The following MGAT4C variants were observed in gnomAD, a reference collection of about 807,000 sequenced individuals.
The protein encoded by MGAT4C is MGAT4 family member C, also known as alpha-1,3-mannosyl-glycoprotein 4-beta-N-acetylglucosaminyltransferase C.
A neutral mutation model predicts 40.1 loss-of-function variants in MGAT4C; 19 were observed. The observed-to-expected ratio is 0.47, with a 90% CI of 0.33 to 0.70. The LOEUF is 0.70. Ranked by LOEUF, MGAT4C falls within the 30% of genes least tolerant of loss-of-function variation. MGAT4C has a pLI of 0.02. For synonymous variants in MGAT4C, 181 were observed against 187.1 expected, an observed-to-expected ratio of 0.97 and a Z score of 0.27; for missense variants, 491 against 563.2, an observed-to-expected ratio of 0.87 and a Z score of 1.30.
Position 85,979,745 on chromosome 12 carries a change from A to G in MGAT4C, c.981T>C (p.Asp327=). Residue 327 remains aspartate (D), a synonymous_variant, in exon 5 of 5, where the codon GAT becomes GAC. Coordinates refer to ENST00000611864, the MANE Select transcript of MGAT4C (RefSeq NM_001351288.2). The part of the protein sequence containing the change: ...SYKGTENKLK[D]DDFEEESFDI... The stretch of plus-strand genomic sequence containing the variant: ...CAAATGACTCCTCTTCAAAATCATC[A>G]TCCTTCAGCTTATTCTCCGTCCCTT... 6.2e-7 allele frequency: 1 copy of G among 1,613,484 alleles called. No homozygotes were observed. The highest frequency in any genetic ancestry group is 8.5e-7 in the Non-Finnish European group (1 of 1,179,770).
intron 1 of MGAT4C, among the ~76,000 whole-genome samples, chr12:86,223,325 C>T (rs1371401980): frequency 6.6e-6 from 1 of 152,198 alleles, no homozygotes; most frequent in Non-Finnish European, 1.5e-5. Flanking sequence ...CCATTCTGAG[C>T]CCAGTTTCCA....
chr12:86,457,184 C>A (rs1957523561), intron 2 of MGAT4C, among the ~76,000 whole-genome samples: 1 of 151,962 alleles, frequency 6.6e-6, no homozygotes, highest in African/African-American at 2.4e-5. Flanking sequence ...AATATATCAT[C>A]CTTTTTATTA....
At chr12:86,046,259 A>G (rs1039981746) in intron 2 of MGAT4C, among the ~76,000 whole-genome samples, 7 of 152,152 alleles carry the variant, frequency 4.6e-5, no homozygotes, top group Non-Finnish European at 2.9e-5. Context: ...TTCCCCACTC[A>G]TGAGTTCAAG....
At chr12:86,200,123 A>ATTTT (rs1382781953) in intron 1 of MGAT4C, among the ~76,000 whole-genome samples, 1 of 31,698 alleles carries the variant, frequency 3.2e-5, no homozygotes, top group Non-Finnish European at 5.9e-5. Flanking sequence ...AATAGTATGT[A>ATTTT]TTTGTTTTTT....
At chr12:86,410,958 C>G (rs1190616588) in intron 3 of MGAT4C, among the ~76,000 whole-genome samples, 2 of 152,182 alleles carry the variant, frequency 1.3e-5, no homozygotes, top group Non-Finnish European at 2.9e-5. Flanking sequence ...CTCCTCTGCT[C>G]TGGCCATGTA....
At chr12:86,655,463 C>T (rs527388528) in intron 2 of MGAT4C, among the ~76,000 whole-genome samples, 21 of 152,118 alleles carry the variant, frequency 1.4e-4, no homozygotes, top group African/African-American at 4.3e-4. Flanking sequence ...TGTATTTCAC[C>T]AGCACTCAGT....
chr12:86,005,209 T>C (rs1887752891), intron 2 of MGAT4C, among the ~76,000 whole-genome samples: 1 of 152,196 alleles, frequency 6.6e-6, no homozygotes. Context: ...AGAGAAGCCA[T>C]TGCTTACTCA....
Position 85,963,463 on chromosome 12 carries a change from G to C in MGAT4C, c.*15826C>G, listed in dbSNP as rs1308819549. 1.3e-5 allele frequency: 2 copies of C among 151,826 alleles called. No individual in the cohort carries two copies. Among genetic ancestry groups the C allele is most frequent in the Admixed American group, 6.6e-5 (1 of 15,222 alleles). 9.4% of individuals were successfully genotyped at this position (151,826 alleles called of 1,614,324 possible). ...ACACACATACACACAGACACACACA[G>C]AGTTTGCTTATAAGCTCAGGAAGCT... is the stretch of plus-strand genomic sequence containing the variant. On this transcript the variant is annotated 3_prime_UTR_variant, in exon 5 of 5. Transcript: ENST00000611864.
rs768173767 is a variant in MGAT4C at position 85,979,758 on chromosome 12, T to C, written c.968A>G (p.Asn323Ser). Reference sequence around the variant, plus strand: ...TTCAAAATCATCATCCTTCAGCTTATTCTCCGTCCCTTTGTATGATGAATA... The same window carrying C: ...TTCAAAATCATCATCCTTCAGCTTACTCTCCGTCCCTTTGTATGATGAATA... ...GYYSSYKGTE[N>S]KLKDDDFEEE... The change falls in exon 5 of 5, where the codon AAT (asparagine) becomes AGT (serine). Residue 323 changes from asparagine (N) to serine (S), a missense_variant. By Grantham distance (46) the Asn-to-Ser change is conservative. Coordinates refer to ENST00000611864, the MANE Select transcript of MGAT4C (RefSeq NM_001351288.2). 6 of 1,613,512 alleles carry C rather than the reference T, an allele frequency of 3.7e-6. No homozygotes were observed. Among genetic ancestry groups the C allele is most frequent in the Non-Finnish European group, 5.1e-6 (6 of 1,179,804 alleles).
At chr12:86,817,875 T>C (rs1022766268) in intron 1 of MGAT4C, among the ~76,000 whole-genome samples, 1 of 151,460 alleles carries the variant, frequency 6.6e-6, no homozygotes, top group African/African-American at 2.4e-5. Flanking sequence ...GGATAGAGTG[T>C]GGGCCTTTTA....
In MGAT4C at chr12:85,959,685, C is replaced by T. The variant is rs921983832; in HGVS notation, c.*19604G>A. 1 of 150,742 alleles carries T rather than the reference C, an allele frequency of 6.6e-6. No individual in the cohort carries two copies. Among genetic ancestry groups the T allele is most frequent in the Admixed American group, 6.6e-5 (1 of 15,098 alleles). The allele number at this position is 150,742 out of a possible 1,614,324, so 9.3% of individuals were successfully genotyped here. A position where few individuals can be genotyped will look rare whatever the true frequency, so the allele number is the denominator to read the frequency against. ...GCCGCTCATCTTTCACTCACCTTAA[C>T]AATTTCTCACTTTTTTCTGCTTTTT... On this transcript the variant is annotated 3_prime_UTR_variant, in exon 5 of 5. Coordinates refer to ENST00000611864, the MANE Select transcript of MGAT4C (RefSeq NM_001351288.2).
Position 86,376,369 on chromosome 12 carries a change from C to G in MGAT4C, c.-119-42242G>C, listed in dbSNP as rs12314930. On this transcript the variant is annotated intron_variant, in intron 3 of 7. Transcript: ENST00000548651. ...CTCCAGCCTGGGTGACAGAATGAGA[C>G]CCTGTCTCAAAAAACCAAAAATAAA... Among the ~76,000 whole-genome samples the G allele has an allele frequency of 7.2e-3, 1,091 of 151,974 alleles. 17 individuals are homozygous for G. Among genetic ancestry groups the G allele is most frequent in the African/African-American group, 0.025 (1,048 of 41,464 alleles).
chr12:86,534,410 A>G (rs1220764502), intron 2 of MGAT4C, among the ~76,000 whole-genome samples: 1 of 152,078 alleles, frequency 6.6e-6, no homozygotes, highest in Non-Finnish European at 1.5e-5. Context: ...ACATGTATTG[A>G]TTGATGTCTG....
chr12:86,611,090 G>A (rs1226439784), intron 2 of MGAT4C, among the ~76,000 whole-genome samples: 1 of 151,980 alleles, frequency 6.6e-6, no homozygotes, highest in Non-Finnish European at 1.5e-5. Flanking sequence ...TACAGCACTT[G>A]GAGGCTGTCA....
chr12:86,288,240 A>ATAT (rs1208551105), intron 4 of MGAT4C, among the ~76,000 whole-genome samples: 3 of 151,854 alleles, frequency 2.0e-5, no homozygotes, highest in Non-Finnish European at 2.9e-5. Flanking sequence ...TAGATTCTGG[A>ATAT]TATTAGCCTT....
At chr12:86,509,191 G>T (rs1439006232) in intron 2 of MGAT4C, among the ~76,000 whole-genome samples, 287 of 151,750 alleles carry the variant, frequency 1.9e-3, no homozygotes, top group African/African-American at 6.4e-3. Context: ...TTTATGGTTT[G>T]AGGTCTAACG....
chr12:86,645,856 A>G (rs962131434), intron 2 of MGAT4C, among the ~76,000 whole-genome samples: 17 of 151,792 alleles, frequency 1.1e-4, no homozygotes, highest in African/African-American at 4.1e-4. Context: ...CAATATAGGT[A>G]ATGCCTATGC....
chr12:86,724,498 G>C (rs1950790077), intron 2 of MGAT4C, among the ~76,000 whole-genome samples: 1 of 152,010 alleles, frequency 6.6e-6, no homozygotes, highest in Admixed American at 6.6e-5. Context: ...ATATTATATG[G>C]GGTATTTAAA....
rs1205177038 is a variant in MGAT4C, at chr12:85,960,754, G to T, written c.*18535C>A. 1 of 151,658 alleles carries T rather than the reference G, an allele frequency of 6.6e-6. No homozygotes were observed. The highest frequency in any genetic ancestry group is 2.4e-5 in the African/African-American group (1 of 41,350). 9.4% of individuals were successfully genotyped at this position (151,658 alleles called of 1,614,324 possible). Reference sequence around the variant, plus strand: ...TTGTTTATTTGGATATAACGTGAATGGGCCCATACCATAAACTCCTATTAA... The same window carrying T: ...TTGTTTATTTGGATATAACGTGAATTGGCCCATACCATAAACTCCTATTAA... On this transcript the variant is annotated 3_prime_UTR_variant, in exon 5 of 5. Coordinates refer to ENST00000611864, the MANE Select transcript of MGAT4C (RefSeq NM_001351288.2).
Sources: allele counts gnomAD v4.1 joint callset (sites outside exome capture counted in the v4.1 genomes callset), GRCh38; gene constraint gnomAD v4.1.1; transcripts MANE v1.5; gene names NCBI Gene and HGNC (gene_info 2026-07-23, HGNC 2026-07-21).